OTOGL: variants seen among roughly 807,000 people sequenced by gnomAD.
OTOGL encodes otogelin like, also known as otogelin-like protein.
OTOGL carries 285 observed loss-of-function variants against 318.5 expected under a neutral mutation model. That is an observed-to-expected ratio of 0.89 (90% CI 0.81 to 0.99). The LOEUF is 0.99. Ranked by LOEUF, OTOGL falls within the 50% of genes least tolerant of loss-of-function variation. The pLI is 0.00. For missense variants in OTOGL, 2,899 were observed against 2,845.6 expected, an observed-to-expected ratio of 1.02 and a Z score of -0.43; for synonymous variants, 987 against 936.5, an observed-to-expected ratio of 1.05 and a Z score of -0.99.
chr12:80,358,393 T>C, intron 50 of OTOGL, 44 bp downstream of exon 50: 3 of 1,436,112 alleles, frequency 2.1e-6, no homozygotes, highest in Non-Finnish European at 2.9e-6. Context: ...ATGTGTCCAA[T>C]GTTTAAGAAG....
intron 29 of OTOGL, among the ~76,000 whole-genome samples, chr12:80,307,959 G>A (rs1324556333): frequency 3.6e-5 from 5 of 138,676 alleles, no homozygotes; most frequent in Non-Finnish European, 6.1e-5. Context: ...GCGGCTGGCC[G>A]GGCAGAGGGG....
intron 44 of OTOGL, among the ~76,000 whole-genome samples, chr12:80,345,887 T>C (rs1456199830): frequency 6.6e-6 from 1 of 152,174 alleles, no homozygotes; most frequent in African/African-American, 2.4e-5. Flanking sequence ...ACAACATCTT[T>C]AGCTGCATTC....
intron 44 of OTOGL, among the ~76,000 whole-genome samples, chr12:80,347,665 A>G (rs1361251674): frequency 1.3e-5 from 2 of 152,040 alleles, no homozygotes; most frequent in Non-Finnish European, 2.9e-5. Flanking sequence ...GTCAAATGGT[A>G]TTTCTGGTTC....
chr12:80,212,032 A>G, intron 4 of OTOGL, 35 bp downstream of exon 4: 1 of 1,529,582 alleles, frequency 6.5e-7, no homozygotes, highest in Non-Finnish European at 8.8e-7. Flanking sequence ...AGAGGCAGAG[A>G]AATAATCCAT....
intron 43 of OTOGL, among the ~76,000 whole-genome samples, chr12:80,341,061 A>C (rs897526865): frequency 4.6e-5 from 7 of 152,150 alleles, no homozygotes; most frequent in Admixed American, 1.3e-4. Flanking sequence ...GTTTGAAGAA[A>C]ATTTTTATTC....
chr12:80,219,954 A>G lies in OTOGL; in HGVS notation c.334+42A>G, dbSNP rs1487552755. On this transcript the variant is annotated intron_variant, in intron 6 of 58. Transcript: ENST00000547103. The stretch of plus-strand genomic sequence containing the variant: ...CTTGTGAGATAATTATGAGATACCA[A>G]GGAGAAAATTAAGGCATAATTTGCT... The G allele has an allele frequency of 2.9e-6, 4 of 1,394,820 alleles. No homozygotes were observed. In the African/African-American group the frequency reaches 4.3e-5, roughly 15 times the overall value. 86.4% of individuals were successfully genotyped at this position (1,394,820 alleles called of 1,614,324 possible).
chr12:80,282,641 C>T (rs1167585307), intron 26 of OTOGL, among the ~76,000 whole-genome samples: 1 of 151,538 alleles, frequency 6.6e-6, no homozygotes, highest in Non-Finnish European at 1.5e-5. Context: ...TTTTAGCAAA[C>T]AATTTTATAT....
chr12:80,194,162 G>T (rs898217791), intron 1 of OTOGL, among the ~76,000 whole-genome samples: 1 of 152,174 alleles, frequency 6.6e-6, no homozygotes, highest in East Asian at 1.9e-4. Context: ...ATGTGACCTA[G>T]TCAGGCACTC....
intron 1 of OTOGL, among the ~76,000 whole-genome samples, chr12:80,175,212 T>A (rs1301844773): frequency 6.6e-6 from 1 of 152,134 alleles, no homozygotes; most frequent in Non-Finnish European, 1.5e-5. Context: ...AATAATGTAG[T>A]GTTTAATTTA....
At chr12:80,346,274 A>T (rs1016802441) in intron 44 of OTOGL, among the ~76,000 whole-genome samples, 1 of 152,150 alleles carries the variant, frequency 6.6e-6, no homozygotes, top group Admixed American at 6.5e-5. Flanking sequence ...GTTTATAGTG[A>T]CTTCTTTGGG....
chr12:80,211,801 G>A, intron 3 of OTOGL, 148 bp from the exon 4 acceptor site: 1 of 645,588 alleles, frequency 1.5e-6, no homozygotes, highest in Non-Finnish European at 2.6e-6. Context: ...AGAAAGGGGA[G>A]GGAGGACTTT....
intron 1 of OTOGL, among the ~76,000 whole-genome samples, chr12:80,146,840 T>G (rs941945387): frequency 3.3e-5 from 5 of 151,940 alleles, no homozygotes; most frequent in South Asian, 4.1e-4. Flanking sequence ...TCTAGTTTAT[T>G]TGCATAGAGG....
chr12:80,201,057 C>A (rs1876417957), intron 1 of OTOGL, among the ~76,000 whole-genome samples: 1 of 152,128 alleles, frequency 6.6e-6, no homozygotes, highest in Non-Finnish European at 1.5e-5. Context: ...GATGCCACAA[C>A]CCTGTGGCAC....
intron 26 of OTOGL, among the ~76,000 whole-genome samples, chr12:80,283,213 A>G (rs570498169): frequency 6.6e-6 from 1 of 152,040 alleles, no homozygotes; most frequent in Non-Finnish European, 1.5e-5. Flanking sequence ...CTTTCTATTT[A>G]TCTTTCTGAG....
At chr12:80,163,589 T>C (rs1202155374) in intron 1 of OTOGL, among the ~76,000 whole-genome samples, 1 of 152,114 alleles carries the variant, frequency 6.6e-6, no homozygotes, top group Non-Finnish European at 1.5e-5. Context: ...GATCTGCAGG[T>C]CAATTAAGGA....
chr12:80,318,443 C>A (rs1443904157), intron 32 of OTOGL, 103 bp from the exon 33 acceptor site: 2 of 809,458 alleles, frequency 2.5e-6, no homozygotes, highest in Admixed American at 4.3e-5. Flanking sequence ...TTTAATTGCT[C>A]AATTTTTGAA....
At position 80,339,096 on chromosome 12, in the gene OTOGL, G is replaced by A; in HGVS notation, c.4882G>A (p.Val1628Met). ...ARKVEVDSIV[V>M]PLPFSSQELS... ...CTAGGTAGAAGTGGATTCCATTGTT[G>A]TGCCTTTGCCCTTTTCAAGTCAGGA... is the stretch of plus-strand genomic sequence containing the variant. Residue 1628 changes from valine (V) to methionine (M), a missense_variant, in exon 43 of 59, where the codon GTG (valine) becomes ATG (methionine). Val to Met is a conservative substitution (Grantham distance 21). Around this residue, in one of 3 missense-constraint regions of OTOGL, gnomAD observed 2,607 missense variants for 2,524.9 expected, o/e 1.03. Transcript: ENST00000547103. The A allele has an allele frequency of 6.2e-7, 1 of 1,607,736 alleles. No individual in the cohort carries two copies. Among genetic ancestry groups the A allele is most frequent in the African/African-American group, 1.3e-5 (1 of 74,718 alleles).
intron 1 of OTOGL, among the ~76,000 whole-genome samples, chr12:80,123,890 T>C (rs539619374): frequency 6.6e-6 from 1 of 152,108 alleles, no homozygotes; most frequent in Non-Finnish European, 1.5e-5. Context: ...GGGTTGTTTG[T>C]TTTTTTCTTG....
chr12:80,167,642 C>CAT (rs1873909871), intron 1 of OTOGL, among the ~76,000 whole-genome samples: 1 of 151,938 alleles, frequency 6.6e-6, no homozygotes, highest in African/African-American at 2.4e-5. Context: ...TTGAAAATGT[C>CAT]ATCATCTGAT....
Sources: allele counts gnomAD v4.1 joint callset (sites outside exome capture counted in the v4.1 genomes callset), GRCh38; gene constraint gnomAD v4.1.1; regional missense constraint gnomAD v4.1.1; transcripts MANE v1.5; gene names NCBI Gene and HGNC (gene_info 2026-07-23, HGNC 2026-07-21).